The following KAT5 variants were observed in gnomAD, a reference collection of about 807,000 sequenced individuals.
The protein encoded by KAT5 is histone acetyltransferase KAT5.
Under a neutral mutation model 68.1 loss-of-function variants are expected in KAT5, and 31 were observed. The observed-to-expected ratio is 0.46, with a 90% CI of 0.34 to 0.61. KAT5 has a LOEUF of 0.61. Ranked by LOEUF, KAT5 falls within the 20% of genes least tolerant of loss-of-function variation. The pLI, the probability that KAT5 is intolerant of heterozygous loss-of-function variation, is 0.01. For missense variants in KAT5, 451 were observed against 725.5 expected (o/e 0.62, Z 4.35); for synonymous variants, 365 against 292.6 (o/e 1.25, Z -2.52).
At chr11:65,718,549 C>T (rs767875510) in intron 10 of KAT5, 41 bp from the exon 11 acceptor site, 10 of 1,593,594 alleles carry the variant, frequency 6.3e-6, no homozygotes, top group Non-Finnish European at 7.7e-6. Flanking sequence ...TTATGTTCAT[C>T]TGTGACCTCT....
At position 65,717,273 on chromosome 11, in the gene KAT5, G is replaced by A. The variant is rs4645930; in HGVS notation, c.1264+291G>A. The A allele has an allele frequency of 6.4e-3, 3,378 of 526,470 alleles. 91 individuals are homozygous for A. Among genetic ancestry groups the A allele is most frequent in the African/African-American group, 0.056 (2,958 of 52,504 alleles). 32.6% of individuals were successfully genotyped at this position (526,470 alleles called of 1,614,324 possible). On this transcript the variant is annotated intron_variant, in intron 10 of 12. Transcript: ENST00000341318. ...CTCCTGCCTGGAGCCATGGGCAGAA[G>A]GTTAGTGAGCCGCTGGTGCTGATGT...
At chr11:65,712,515 A>C in intron 1 of KAT5, 70 bp downstream of exon 1, 2 of 1,490,238 alleles carry the variant, frequency 1.3e-6, no homozygotes, top group Non-Finnish European at 1.8e-6. Context: ...AAATCCCGGG[A>C]TGGGGAGGGG....
chr11:65,712,777 A>G lies in KAT5; in HGVS notation c.190A>G (p.Ile64Val). The change falls in exon 2 of 13, where the codon ATC (isoleucine) becomes GTC (valine). Residue 64 changes from isoleucine to valine, a missense_variant. Ile to Val is a conservative substitution (Grantham distance 29). Transcript: ENST00000341318. ...TGCTATTCTCATAGCCCTGGCCGAG[A>G]TCCTGAGCGTGAAGGACATCAGTGG... ...DNEDEWPLAE[I>V]LSVKDISGRK... 1.9e-6 allele frequency: 3 copies of G among 1,613,944 alleles called. No individual in the cohort carries two copies. Among genetic ancestry groups the G allele is most frequent in the Non-Finnish European group, 2.5e-6 (3 of 1,179,974 alleles).
Position 65,719,175 on chromosome 11 carries a change from G to A in KAT5, c.1635G>A (p.Lys545=). 1 of 1,613,868 alleles carries A rather than the reference G, an allele frequency of 6.2e-7. No individual in the cohort carries two copies. The change falls in exon 13 of 13, where the codon AAG becomes AAA. Residue 545 remains lysine, a synonymous_variant. Transcript: ENST00000341318. ...CCAAGGACTGGAGCAAGAGGGGGAAGTGGTGACCAGACACTGCCCACTGCA... is the reference window on the plus strand; with the variant it reads ...CCAAGGACTGGAGCAAGAGGGGGAAATGGTGACCAGACACTGCCCACTGCA... ...FTPKDWSKRG[K]W
intron 6 of KAT5, chr11:65,714,155 C>T (rs376905220): frequency 6.3e-5 from 32 of 506,680 alleles, no homozygotes; most frequent in South Asian, 5.4e-4. Context: ...AAAAATTAGC[C>T]AGGCGTGGTG....
In KAT5 at chr11:65,719,198, G is replaced by A; in HGVS notation, c.*17G>A. ...AAGTGGTGACCAGACACTGCCCACT[G>A]CAGTGCCAAGACGGCAGCAGGACTG... On this transcript the variant is annotated 3_prime_UTR_variant, in exon 13 of 13. Transcript: ENST00000341318. 16 of 1,612,184 alleles carry A rather than the reference G, an allele frequency of 9.9e-6. No homozygotes were observed. The highest frequency in any genetic ancestry group is 1.2e-5 in the Non-Finnish European group (14 of 1,179,400).
intron 10 of KAT5, chr11:65,718,357 G>C: frequency 2.0e-6 from 1 of 488,716 alleles, no homozygotes; most frequent in Non-Finnish European, 3.7e-6. Flanking sequence ...ATGGTTGACT[G>C]CAGCTGCTCC....
In KAT5 at chr11:65,719,602, C is replaced by A; in HGVS notation, c.*421C>A. ...CCCGGCAATAAATTGTTTCTATATG[C>A]CAGAGCCATGCAAAGTTCTTGGTGG... On this transcript the variant is annotated 3_prime_UTR_variant, in exon 13 of 13. Coordinates refer to ENST00000341318, the MANE Select transcript of KAT5 (RefSeq NM_182710.3). 2.8e-6 allele frequency: 2 copies of A among 727,186 alleles called. No individual in the cohort carries two copies. The highest frequency in any genetic ancestry group is 4.9e-6 in the Non-Finnish European group (2 of 411,162). 45.0% of individuals were successfully genotyped at this position (727,186 alleles called of 1,614,324 possible).
upstream of KAT5, chr11:65,712,036 A>C (rs4645910): frequency 3.1e-4 from 127 of 408,070 alleles, 1 homozygote; most frequent in Middle Eastern, 1.9e-3. Context: ...GACTCAGTAG[A>C]CCGCCACTGG....
Position 65,712,593 on chromosome 11 carries a change from G to A in KAT5, c.178+148G>A, listed in dbSNP as rs965877080. ...AAGGGGCGTGGCTCTTAGCTGCTCCGAGAGGTACAGGGCGGGGCCTGGAAA... is the reference window on the plus strand; with the variant it reads ...AAGGGGCGTGGCTCTTAGCTGCTCCAAGAGGTACAGGGCGGGGCCTGGAAA... On this transcript the variant is annotated intron_variant, in intron 1 of 12. Coordinates refer to ENST00000341318, the MANE Select transcript of KAT5 (RefSeq NM_182710.3). 6.6e-6 allele frequency: 8 copies of A among 1,210,670 alleles called. No homozygotes were observed. The African/African-American group carries it at 7.6e-5, about 11-fold the overall frequency. The allele number at this position is 1,210,670 out of a possible 1,614,324, so 75.0% of individuals were successfully genotyped here.
At chr11:65,716,628 C>A (rs934529776) in intron 8 of KAT5, 39 bp from the exon 9 acceptor site, 1 of 1,601,364 alleles carries the variant, frequency 6.2e-7, no homozygotes, top group Non-Finnish European at 8.5e-7. Flanking sequence ...AGGCTCAAGG[C>A]GGGATACCCA....
intron 10 of KAT5, 97 bp from the exon 11 acceptor site, chr11:65,718,493 A>G: frequency 7.8e-7 from 1 of 1,278,642 alleles, no homozygotes; most frequent in South Asian, 1.4e-5. Context: ...GGGCCATGAT[A>G]GGAACTAGGC....
intron 8 of KAT5, chr11:65,715,944 A>T (rs1415241555): frequency 6.6e-6 from 1 of 151,054 alleles, no homozygotes; most frequent in Non-Finnish European, 1.5e-5. Context: ...TGAGCCTGGG[A>T]AGTCAAGGCT....
chr11:65,719,367 C>A lies in KAT5; in HGVS notation c.*186C>A. On this transcript the variant is annotated 3_prime_UTR_variant, in exon 13 of 13. Coordinates refer to ENST00000341318, the MANE Select transcript of KAT5 (RefSeq NM_182710.3). Reference sequence around the variant, plus strand: ...ACCAAGGCGAGCTCCGGGCTCAGACCAACTCCAAGGTCAGCTGGCCACAGG... The same window carrying A: ...ACCAAGGCGAGCTCCGGGCTCAGACAAACTCCAAGGTCAGCTGGCCACAGG... The A allele has an allele frequency of 1.4e-6, 1 of 721,244 alleles. No individual in the cohort carries two copies. Among genetic ancestry groups the A allele is most frequent in the Non-Finnish European group, 2.2e-6 (1 of 447,350 alleles). 44.7% of individuals were successfully genotyped at this position (721,244 alleles called of 1,614,324 possible). A position where few individuals can be genotyped will look rare whatever the true frequency, so the allele number is the denominator to read the frequency against.
chr11:65,717,599 C>T (rs557007149), intron 10 of KAT5: 2 of 158,110 alleles, frequency 1.3e-5, no homozygotes, highest in Non-Finnish European at 2.8e-5. Flanking sequence ...AATAACCAAG[C>T]TCTGACCTGA....
rs75800300 is a variant in KAT5 at position 65,713,160 on chromosome 11, C to T, written c.384+102C>T. ...TGGGCAGGAGGCGGCTCCCTCTCAC[C>T]CTGACTTCATCTTGCAAAGGATGGG... On this transcript the variant is annotated intron_variant, in intron 3 of 12. Coordinates refer to ENST00000341318, the MANE Select transcript of KAT5 (RefSeq NM_182710.3). 2.5e-4 allele frequency: 364 copies of T among 1,478,876 alleles called. No individual in the cohort carries two copies. The African/African-American group carries it at 4.3e-3, about 18-fold the overall frequency. 91.6% of individuals were successfully genotyped at this position (1,478,876 alleles called of 1,614,324 possible).
At chr11:65,712,110 C>T (rs956916684), upstream of KAT5, 42 of 648,188 alleles carry the variant, frequency 6.5e-5, no homozygotes, top group East Asian at 1.4e-3. Flanking sequence ...CCGTTTTCCC[C>T]CGAGTCACAG....
At chr11:65,715,065 A>G (rs1565208610) in intron 8 of KAT5, 155 bp downstream of exon 8, 3 of 675,566 alleles carry the variant, frequency 4.4e-6, no homozygotes, top group Admixed American at 2.2e-5. Context: ...GGAATGAGAC[A>G]GTCTCTGTTC....
rs1383096531 is a variant in KAT5 at position 65,716,749 on chromosome 11, T to C, written c.1112T>C (p.Phe371Ser). 1 of 1,614,068 alleles carries C rather than the reference T, an allele frequency of 6.2e-7. No individual in the cohort carries two copies. Among genetic ancestry groups the C allele is most frequent in the Non-Finnish European group, 8.5e-7 (1 of 1,179,932 alleles). The change falls in exon 9 of 13, where the codon TTC becomes TCC. Residue 371 changes from phenylalanine to serine, a missense_variant. By Grantham distance (155) the Phe-to-Ser change is radical (BLOSUM62 -2). Coordinates refer to ENST00000341318, the MANE Select transcript of KAT5 (RefSeq NM_182710.3). ...TLYYDTDPFL[F>S]YVMTEYDCKG... The stretch of plus-strand genomic sequence containing the variant: ...TACTATGACACAGACCCTTTCCTCT[T>C]CTACGTCATGACAGAGTATGACTGT...
Sources: gnomAD v4.1 joint callset for allele counts on GRCh38, gnomAD v4.1.1 for gene constraint, MANE v1.5 for transcripts, NCBI Gene and HGNC (gene_info 2026-07-23, HGNC 2026-07-21) for gene names.